The following ACSL6 variants were observed in gnomAD, a reference collection of about 807,000 sequenced individuals.
The protein encoded by ACSL6 is acyl-CoA synthetase long chain family member 6.
ACSL6 carries 47 observed loss-of-function variants against 98.2 expected under a neutral mutation model. That is an observed-to-expected ratio of 0.48 (90% CI 0.38 to 0.61). The LOEUF (loss-of-function observed/expected upper bound fraction) is 0.61. Ranked by LOEUF, ACSL6 falls within the 20% of genes least tolerant of loss-of-function variation. The probability of loss-of-function intolerance (pLI) is 0.00; values close to 1 mark genes in which losing one functional copy is unlikely to be tolerated. For missense variants in ACSL6, 761 were observed against 913.4 expected (o/e 0.83, Z 2.15); for synonymous variants, 362 against 336.9 (o/e 1.07, Z -0.82).
chr5:131,959,424 TG>T, intron 20 of ACSL6, 111 bp downstream of exon 20: 1 of 1,176,206 alleles, frequency 8.5e-7, no homozygotes, highest in East Asian at 2.4e-5. Context: ...CACAGCCTGC[TG>T]GCGGGCCACA....
intron 16 of ACSL6, among the ~76,000 whole-genome samples, chr5:131,967,453 G>A (rs183342969): frequency 2.6e-4 from 40 of 152,076 alleles, no homozygotes; most frequent in Admixed American, 1.7e-3. Context: ...CACGAAGTCA[G>A]GAGATTAAGA....
At chr5:131,986,899 T>C in intron 7 of ACSL6, 45 bp from the exon 8 acceptor site, 1 of 1,606,524 alleles carries the variant, frequency 6.2e-7, no homozygotes, top group African/African-American at 1.3e-5. Flanking sequence ...AAGTTCTCTC[T>C]CTCTCTCTTT....
rs1397011084 is a variant in ACSL6 at position 131,990,845 on chromosome 5, C to G, written c.385+8G>C. 1.2e-6 allele frequency: 2 copies of G among 1,611,542 alleles called. No individual in the cohort carries two copies. The highest frequency in any genetic ancestry group is 1.7e-6 in the Non-Finnish European group (2 of 1,178,372). On this transcript the variant is annotated splice_region_variant and intron_variant, in intron 3 of 20. Coordinates refer to ENST00000651883, the MANE Select transcript of ACSL6 (RefSeq NM_001009185.3). ...CCCCTCCACACCCCCCCCCACAACC[C>G]TTCTCACCTGAGATGCTAAGCCCAC... is the stretch of plus-strand genomic sequence containing the variant.
intron 9 of ACSL6, chr5:131,984,835 C>T (rs1580668511): frequency 6.1e-6 from 1 of 162,880 alleles, no homozygotes; most frequent in Admixed American, 5.8e-5. Context: ...GCACACCAGC[C>T]CCAGCCTGCA....
rs754815249 is a variant in ACSL6 at position 131,962,573 on chromosome 5, G to T, written c.1819C>A (p.Pro607Thr). Residue 607 changes from proline to threonine, a missense_variant, in exon 18 of 21, where the codon CCT (proline) becomes ACT (threonine). Physicochemically the swap from Pro to Thr is conservative, Grantham distance 38. Coordinates refer to ENST00000651883, the MANE Select transcript of ACSL6 (RefSeq NM_001009185.3). The stretch of plus-strand genomic sequence containing the variant: ...CCATGGACATAGATTTGCGCCACAG[G>T]TTGGCTCCGGATGTAGATGTTCTCA... ...KIENIYIRSQPVAQIYVHGDS... is the reference protein window; with the variant it reads ...KIENIYIRSQTVAQIYVHGDS... The T allele has an allele frequency of 1.9e-6, 3 of 1,613,958 alleles. No individual in the cohort carries two copies. The highest frequency in any genetic ancestry group is 2.2e-5 in the South Asian group (2 of 91,082).
intron 5 of ACSL6, 104 bp from the exon 6 acceptor site, chr5:131,989,008 G>T: frequency 1.0e-6 from 1 of 994,678 alleles, no homozygotes; most frequent in Non-Finnish European, 1.5e-6. Flanking sequence ...CCCTATGCCT[G>T]TGGCAAGGAA....
chr5:131,960,727 G>GTA, intron 18 of ACSL6, 106 bp from the exon 19 acceptor site: 4 of 744,492 alleles, frequency 5.4e-6, no homozygotes, highest in Non-Finnish European at 8.5e-6. Flanking sequence ...CAAAAACTAA[G>GTA]TATATGTTTA....
chr5:131,959,705 G>C (rs1752598154), intron 19 of ACSL6, 98 bp from the exon 20 acceptor site: 3 of 1,115,616 alleles, frequency 2.7e-6, no homozygotes, highest in Non-Finnish European at 4.0e-6. Context: ...ACTGATGATT[G>C]TGCCAACATG....
chr5:131,989,106 G>A (rs1754362394), intron 5 of ACSL6, among the ~76,000 whole-genome samples: 1 of 152,192 alleles, frequency 6.6e-6, no homozygotes, highest in South Asian at 2.1e-4. Context: ...TGGATTTCAT[G>A]TCTAAACTGC....
At chr5:131,981,051 C>T (rs1440332539) in intron 9 of ACSL6, among the ~76,000 whole-genome samples, 1 of 152,160 alleles carries the variant, frequency 6.6e-6, no homozygotes, top group Non-Finnish European at 1.5e-5. Flanking sequence ...CCCGCATCTT[C>T]CTGGCCTCCC....
chr5:131,990,355 T>C (rs1561802256), intron 3 of ACSL6, among the ~76,000 whole-genome samples, 191 bp from the exon 4 acceptor site: 2 of 152,232 alleles, frequency 1.3e-5, no homozygotes, highest in African/African-American at 2.4e-5. Context: ...CACATAAGTA[T>C]GGCATCATCC....
At chr5:131,971,457 C>A in intron 14 of ACSL6, 93 bp downstream of exon 14, 1 of 1,049,214 alleles carries the variant, frequency 9.5e-7, no homozygotes, top group African/African-American at 1.6e-5. Flanking sequence ...ATCTTGTCCC[C>A]CGGTTCTTTC....
chr5:132,003,277 C>A (rs1336047641), intron 1 of ACSL6, among the ~76,000 whole-genome samples: 1 of 152,222 alleles, frequency 6.6e-6, no homozygotes, highest in African/African-American at 2.4e-5. Flanking sequence ...CCTCCTGAAT[C>A]CCCCCTCTGG....
At chr5:131,974,803 G>A (rs1753526550) in intron 11 of ACSL6, 90 bp downstream of exon 11, 1 of 1,612,976 alleles carries the variant, frequency 6.2e-7, no homozygotes, top group African/African-American at 1.3e-5. Context: ...AATAGGAAAT[G>A]TGCACATCCG....
At position 131,976,684 on chromosome 5, in the gene ACSL6, C is replaced by A; in HGVS notation, c.954G>T (p.Val318=). Residue 318 remains valine, a synonymous_variant, in exon 10 of 21, where the codon GTG becomes GTT. Transcript: ENST00000651883. ...TCAGAAAGCCTGAGAAATCAGCCAC[C>A]ACGTTCCCATGGGTGAGCATCGCAC... ...PKGAMLTHGN[V]VADFSGFLKV... is the part of the protein sequence containing the mutation. 1.2e-6 allele frequency: 2 copies of A among 1,614,204 alleles called. No individual in the cohort carries two copies. Among genetic ancestry groups the A allele is most frequent in the South Asian group, 2.2e-5 (2 of 91,080 alleles).
chr5:131,970,152 T>C lies in ACSL6; in HGVS notation c.1483A>G (p.Thr495Ala). 1 of 1,614,142 alleles carries C rather than the reference T, an allele frequency of 6.2e-7. No individual in the cohort carries two copies. Among genetic ancestry groups the C allele is most frequent in the South Asian group, 1.1e-5 (1 of 91,082 alleles). ...QTECTAGCTF[T>A]TPGDWTSGHV... ...CCTGAGGTCCAGTCGCCAGGAGTGGTGAAGGTACATCCAGCTGTGCACTCA... is the reference window on the plus strand; with the variant it reads ...CCTGAGGTCCAGTCGCCAGGAGTGGCGAAGGTACATCCAGCTGTGCACTCA... Residue 495 changes from threonine to alanine, a missense_variant, in exon 15 of 21, where the codon ACC becomes GCC. Physicochemically the swap from Thr to Ala is moderately conservative, Grantham distance 58 (BLOSUM62 0). Coordinates refer to ENST00000651883, the MANE Select transcript of ACSL6 (RefSeq NM_001009185.3).
chr5:131,970,535 G>A (rs575915190), intron 14 of ACSL6, among the ~76,000 whole-genome samples: 77 of 151,512 alleles, frequency 5.1e-4, no homozygotes, highest in African/African-American at 1.7e-3. Flanking sequence ...TCAGCCTCCC[G>A]AGTAGCTGGG....
At chr5:131,990,391 G>C (rs988248680) in intron 3 of ACSL6, among the ~76,000 whole-genome samples, 1 of 152,192 alleles carries the variant, frequency 6.6e-6, no homozygotes, top group Non-Finnish European at 1.5e-5. Context: ...TCTGGAAATG[G>C]GGAATGATGC....
intron 8 of ACSL6, 101 bp from the exon 9 acceptor site, chr5:131,985,559 G>C (rs181174799): frequency 1.6e-6 from 2 of 1,237,560 alleles, no homozygotes; most frequent in African/African-American, 1.5e-5. Flanking sequence ...TATGTATGCT[G>C]TATGTGGGTG....
Sources: allele counts gnomAD v4.1 joint callset (sites outside exome capture counted in the v4.1 genomes callset), GRCh38; gene constraint gnomAD v4.1.1; transcripts MANE v1.5; gene names NCBI Gene and HGNC (gene_info 2026-07-23, HGNC 2026-07-21).